The following TSLP variants were observed in gnomAD, a reference collection of about 807,000 sequenced individuals.
TSLP encodes the protein thymic stromal lymphopoietin.
Under a neutral mutation model 12.4 loss-of-function variants are expected in TSLP, and 12 were observed. The ratio of observed to expected loss-of-function variants is 0.97; its 90% CI spans 0.62 to 1.57. TSLP has a LOEUF of 1.57. Ranked by LOEUF, TSLP falls within the 40% of genes most tolerant of loss-of-function variation. The probability of loss-of-function intolerance (pLI) is 0.00; values close to 1 mark genes in which losing one functional copy is unlikely to be tolerated. For synonymous variants in TSLP, 97 were observed against 69.5 expected (o/e 1.40, Z -1.97); for missense variants, 222 against 189.6 (o/e 1.17, Z -1.00).
chr5:111,077,383 C>G lies in TSLP; in HGVS notation c.*1309C>G, dbSNP rs1042928273. The stretch of plus-strand genomic sequence containing the variant: ...TAAAGAGCACTTACTGTGGAACAAG[C>G]CTTCAGCCAAACAATGGGGATAGAA... On this transcript the variant is annotated 3_prime_UTR_variant, in exon 4 of 4. Transcript: ENST00000344895. 1 of 152,238 alleles carries G rather than the reference C, an allele frequency of 6.6e-6. No individual in the cohort carries two copies. The highest frequency in any genetic ancestry group is 2.4e-5 in the African/African-American group (1 of 41,430). 9.4% of individuals were successfully genotyped at this position (152,238 alleles called of 1,614,324 possible).
In TSLP at chr5:111,077,327, G is replaced by C. The variant is rs1228048273; in HGVS notation, c.*1253G>C. ...CCATCTTACTTGCCAACAGGTAAGA[G>C]GAAGCTTACATTACATGTCCAGTCC... On this transcript the variant is annotated 3_prime_UTR_variant, in exon 4 of 4. Transcript: ENST00000344895. 1.3e-5 allele frequency: 2 copies of C among 152,248 alleles called. No individual in the cohort carries two copies. The highest frequency in any genetic ancestry group is 2.9e-5 in the Non-Finnish European group (2 of 68,054). 9.4% of individuals were successfully genotyped at this position (152,248 alleles called of 1,614,324 possible).
At position 111,072,878 on chromosome 5, in the gene TSLP, T is replaced by C. The variant is rs1363787466; in HGVS notation, c.172-10T>C. On this transcript the variant is annotated splice_polypyrimidine_tract_variant and intron_variant, in intron 1 of 3. Coordinates refer to ENST00000344895, the MANE Select transcript of TSLP (RefSeq NM_033035.5). ...CTTTACCCTCTTTGTCCTATTTTTC[T>C]TTCTTCCAGACCAAAAGTACCGAGT... 1 of 1,614,088 alleles carries C rather than the reference T, an allele frequency of 6.2e-7. No homozygotes were observed. The highest frequency in any genetic ancestry group is 1.3e-5 in the African/African-American group (1 of 74,942).
At chr5:111,072,141 T>C (rs371078217) in intron 1 of TSLP, 80 bp downstream of exon 1, 2 of 1,229,956 alleles carry the variant, frequency 1.6e-6, no homozygotes, top group African/African-American at 1.5e-5. Flanking sequence ...TTTAACTTTG[T>C]AGGAAAGAAA....
In TSLP at chr5:111,077,091, G is replaced by T. The variant is rs554277838; in HGVS notation, c.*1017G>T. The T allele has an allele frequency of 2.6e-5, 4 of 152,190 alleles. No homozygotes were observed. Among genetic ancestry groups the T allele is most frequent in the Non-Finnish European group, 5.9e-5 (4 of 68,036 alleles). 9.4% of individuals were successfully genotyped at this position (152,190 alleles called of 1,614,324 possible). A position where few individuals can be genotyped will look rare whatever the true frequency, so the allele number is the denominator to read the frequency against. On this transcript the variant is annotated 3_prime_UTR_variant, in exon 4 of 4. Transcript: ENST00000344895. ...AAAAGTGAACAGGGGATGTCAAATC[G>T]ATTCTTGAATTCCCGCTGCAAGCTA...
At position 111,072,915 on chromosome 5, in the gene TSLP, G is replaced by A. The variant is rs1752380143; in HGVS notation, c.199G>A (p.Val67Ile). ...GTKSTEFNNT[V>I]SCSNRPHCLT... ...CAAAAGTACCGAGTTCAACAACACC[G>A]TCTCTTGTAGCAATCGGGTGAGTAG... The change falls in exon 2 of 4, where the codon GTC becomes ATC. Residue 67 changes from valine (V) to isoleucine (I), a missense_variant. Physicochemically the swap from Val to Ile is conservative, Grantham distance 29. Coordinates refer to ENST00000344895, the MANE Select transcript of TSLP (RefSeq NM_033035.5). 2 of 1,614,068 alleles carry A rather than the reference G, an allele frequency of 1.2e-6. No homozygotes were observed. Among genetic ancestry groups the A allele is most frequent in the Non-Finnish European group, 1.7e-6 (2 of 1,180,038 alleles).
upstream of TSLP, chr5:111,070,080 A>C (rs1431992838): frequency 6.6e-6 from 1 of 152,218 alleles, no homozygotes; most frequent in Non-Finnish European, 1.5e-5. Context: ...TGATGGGGGA[A>C]GAGTGGACTT....
chr5:111,071,724 T>TC lies in TSLP; in HGVS notation c.-165dup. The TC allele has an allele frequency of 8.2e-7, 1 of 1,217,988 alleles. No individual in the cohort carries two copies. The highest frequency in any genetic ancestry group is 1.1e-6 in the Non-Finnish European group (1 of 879,008). The allele number at this position is 1,217,988 out of a possible 1,614,324, so 75.4% of individuals were successfully genotyped here. A position where few individuals can be genotyped will look rare whatever the true frequency, so the allele number is the denominator to read the frequency against. On this transcript the variant is annotated 5_prime_UTR_variant, in exon 1 of 4. Coordinates refer to ENST00000344895, the MANE Select transcript of TSLP (RefSeq NM_033035.5). ...GAAAGCTCTGGAGCATCAGGGAGAC[T>TC]CCAACTTAAGGCAACAGCATGGGTG...
upstream of TSLP, chr5:111,071,543 C>G (rs1230064641): frequency 6.5e-7 from 1 of 1,541,206 alleles, no homozygotes; most frequent in Non-Finnish European, 8.7e-7. Context: ...GATGACTTTA[C>G]TGATGTTAAA....
chr5:111,072,988 G>C (rs1752382746), intron 2 of TSLP, 56 bp downstream of exon 2: 3 of 1,595,778 alleles, frequency 1.9e-6, no homozygotes, highest in African/African-American at 1.3e-5. Flanking sequence ...AGGCATTTTG[G>C]AGAGGGAGTA....
chr5:111,073,272 C>T (rs528959606), intron 2 of TSLP: 1 of 1,412,278 alleles, frequency 7.1e-7, no homozygotes, highest in Middle Eastern at 2.6e-4. Flanking sequence ...TTGGGAGGAG[C>T]GAGCGTGGGT....
Position 111,073,560 on chromosome 5 carries a change from G to T in TSLP, c.266G>T (p.Gly89Val), listed in dbSNP as rs376356808. The T allele has an allele frequency of 1.2e-6, 2 of 1,614,014 alleles. No homozygotes were observed. Among genetic ancestry groups the T allele is most frequent in the African/African-American group, 1.3e-5 (1 of 74,884 alleles). The change falls in exon 3 of 4, where the codon GGC becomes GTC. Residue 89 changes from glycine to valine, a missense_variant. Gly to Val is a moderately radical substitution (Grantham distance 109). Transcript: ENST00000344895. ...IQSLTFNPTA[G>V]CASLAKEMFA... ...AGCCTAACCTTCAATCCCACCGCCGGCTGCGCGTCGCTCGCCAAAGAAATG... is the reference window on the plus strand; with the variant it reads ...AGCCTAACCTTCAATCCCACCGCCGTCTGCGCGTCGCTCGCCAAAGAAATG...
At position 111,076,112 on chromosome 5, in the gene TSLP, TA is replaced by T; in HGVS notation, c.*41del. Reference sequence around the variant, plus strand: ...ATGGTCATATTTCACAGCACCAAAATAAATCATCTTTATTAAGTAGATGAAA... The same window carrying T: ...ATGGTCATATTTCACAGCACCAAAATAATCATCTTTATTAAGTAGATGAAA... On this transcript the variant is annotated 3_prime_UTR_variant, in exon 4 of 4. Transcript: ENST00000344895. 1 of 1,608,060 alleles carries T rather than the reference TA, an allele frequency of 6.2e-7. No homozygotes were observed. The highest frequency in any genetic ancestry group is 1.1e-5 in the South Asian group (1 of 90,208).
chr5:111,076,104 C>A lies in TSLP; in HGVS notation c.*30C>A, dbSNP rs1297593649. 5 of 1,609,972 alleles carry A rather than the reference C, an allele frequency of 3.1e-6. No individual in the cohort carries two copies. In the African/African-American group the frequency reaches 5.4e-5, roughly 17 times the overall value. On this transcript the variant is annotated 3_prime_UTR_variant, in exon 4 of 4. Transcript: ENST00000344895. Reference sequence around the variant, plus strand: ...TCTTTATTATGGTCATATTTCACAGCACCAAAATAAATCATCTTTATTAAG... The same window carrying A: ...TCTTTATTATGGTCATATTTCACAGAACCAAAATAAATCATCTTTATTAAG...
chr5:111,072,969 G>T, intron 2 of TSLP, 37 bp downstream of exon 2: 1 of 1,610,424 alleles, frequency 6.2e-7, no homozygotes, highest in African/African-American at 1.3e-5. Context: ...CTTTCTCCAG[G>T]GAGACGCCAG....
intron 3 of TSLP, among the ~76,000 whole-genome samples, chr5:111,074,839 C>G (rs773431895): frequency 6.6e-6 from 1 of 151,918 alleles, no homozygotes; most frequent in African/African-American, 2.4e-5. Context: ...AGGCTGGTCT[C>G]GAATTCCTGA....
chr5:111,073,205 G>C (rs1377541414), intron 2 of TSLP: 3 of 1,141,484 alleles, frequency 2.6e-6, no homozygotes, highest in Non-Finnish European at 3.6e-6. Context: ...CACCTGCTGG[G>C]GTCCGGCGCC....
chr5:111,076,001 A>C lies in TSLP; in HGVS notation c.407A>C (p.Lys136Thr). Residue 136 changes from lysine (K) to threonine (T), a missense_variant, in exon 4 of 4, where the codon AAA (lysine) becomes ACA (threonine). Coordinates refer to ENST00000344895, the MANE Select transcript of TSLP (RefSeq NM_033035.5). Reference protein sequence around the residue: ...KRRKRKVTTNKCLEQVSQLQG... With the variant: ...KRRKRKVTTNTCLEQVSQLQG... ...AGAAAAAGGAAAGTCACAACCAATA[A>C]ATGTCTGGAACAAGTGTCACAATTA... 1 of 1,614,106 alleles carries C rather than the reference A, an allele frequency of 6.2e-7. No homozygotes were observed. Among genetic ancestry groups the C allele is most frequent in the Non-Finnish European group, 8.5e-7 (1 of 1,179,990 alleles).
intron 1 of TSLP, 56 bp downstream of exon 1, chr5:111,072,117 C>T: frequency 1.4e-6 from 2 of 1,420,364 alleles, no homozygotes; most frequent in Non-Finnish European, 1.9e-6. Flanking sequence ...AGTCGGCATA[C>T]ACACACTCTA....
rs1404030976 is a variant in TSLP, at chr5:111,076,149, A to C, written c.*75A>C. On this transcript the variant is annotated 3_prime_UTR_variant, in exon 4 of 4. Transcript: ENST00000344895. Reference sequence around the variant, plus strand: ...ATTAAGTAGATGAAACATTAACTCTAACTGTGACAAAGAAGACCACAAATA... The same window carrying C: ...ATTAAGTAGATGAAACATTAACTCTCACTGTGACAAAGAAGACCACAAATA... The C allele has an allele frequency of 2.0e-6, 3 of 1,507,198 alleles. No homozygotes were observed. The highest frequency in any genetic ancestry group is 2.7e-6 in the Non-Finnish European group (3 of 1,099,598). 93.4% of individuals were successfully genotyped at this position (1,507,198 alleles called of 1,614,324 possible).
Sources: gnomAD v4.1 joint callset for allele counts (sites outside exome capture counted in the v4.1 genomes callset) on GRCh38, gnomAD v4.1.1 for gene constraint, MANE v1.5 for transcripts, NCBI Gene and HGNC (gene_info 2026-07-23, HGNC 2026-07-21) for gene names.